ZNF836: variants seen among roughly 807,000 people sequenced by gnomAD.
ZNF836 encodes the protein zinc finger protein 836.
ZNF836 carries 12 observed loss-of-function variants against 7.4 expected under a neutral mutation model. That is an observed-to-expected ratio of 1.61 (90% CI 1.03 to 2.61). The LOEUF (loss-of-function observed/expected upper bound fraction) is 2.61. ZNF836 is among the 30% of genes most tolerant of loss of function. The pLI, the probability that ZNF836 is intolerant of heterozygous loss-of-function variation, is 0.00. For missense variants in ZNF836, 998 were observed against 1,126.2 expected, an observed-to-expected ratio of 0.89 and a Z score of 1.63; for synonymous variants, 365 against 382.6, an observed-to-expected ratio of 0.95 and a Z score of 0.54.
At chr19:52,157,647 T>C in intron 4 of ZNF836, 107 bp from the exon 5 acceptor site, 2 of 1,081,188 alleles carry the variant, frequency 1.8e-6, no homozygotes, top group South Asian at 2.3e-5. Flanking sequence ...CTCAGCTCAC[T>C]GTGACCTCCA....
At position 52,155,134 on chromosome 19, in the gene ZNF836, A is replaced by G; in HGVS notation, c.2549T>C (p.Val850Ala). ...TCCAGTGTGATTTCTTTGATGGTAC[A>G]CCAGCTTTGACCTTTCAATAAAAGC... is the stretch of plus-strand genomic sequence containing the variant. ...GKAFIERSKL[V>A]YHQRNHTGEK... is the part of the protein sequence containing the mutation. The change falls in exon 5 of 5, where the codon GTG becomes GCG. Residue 850 changes from valine to alanine, a missense_variant. Coordinates refer to ENST00000682614, the MANE Select transcript of ZNF836 (RefSeq NM_001102657.3). 1 of 1,613,958 alleles carries G rather than the reference A, an allele frequency of 6.2e-7. No individual in the cohort carries two copies. Among genetic ancestry groups the G allele is most frequent in the Non-Finnish European group, 8.5e-7 (1 of 1,179,964 alleles).
rs765972736 is a variant in ZNF836 at position 52,156,759 on chromosome 19, G to A, written c.924C>T (p.Gly308=). The A allele has an allele frequency of 6.2e-7, 1 of 1,606,802 alleles. No individual in the cohort carries two copies. The highest frequency in any genetic ancestry group is 1.3e-5 in the African/African-American group (1 of 74,654). The change falls in exon 5 of 5, where the codon GGC becomes GGT. Residue 308 remains glycine (G), a synonymous_variant. Transcript: ENST00000682614. The part of the protein sequence containing the change: ...GEKPYKCNEC[G]KSFSQSYNLA... ...GGTTATAACTTTGACTAAAGGACTT[G>A]CCACATTCATTACATTTGTACGGTT...
chr19:52,166,458 T>C (rs976456852), intron 3 of ZNF836, among the ~76,000 whole-genome samples: 16 of 152,070 alleles, frequency 1.1e-4, no homozygotes, highest in Admixed American at 2.6e-4. Flanking sequence ...CAAATTAACA[T>C]ATCCATCATC....
At chr19:52,163,214 T>C (rs1415234642) in intron 3 of ZNF836, among the ~76,000 whole-genome samples, 1 of 152,216 alleles carries the variant, frequency 6.6e-6, no homozygotes, top group Non-Finnish European at 1.5e-5. Context: ...AGGTCCTGGC[T>C]TACTTCTATC....
chr19:52,161,566 T>A lies in ZNF836; in HGVS notation c.16-975A>T, dbSNP rs2089212935. Among the ~76,000 whole-genome samples the A allele has an allele frequency of 6.6e-6, 1 of 151,912 alleles. No individual in the cohort carries two copies. The highest frequency in any genetic ancestry group is 2.4e-5 in the African/African-American group (1 of 41,336). On this transcript the variant is annotated intron_variant, in intron 3 of 4. Transcript: ENST00000682614. This position sits in a 1 kb window ranked among gnomAD's most constrained non-coding sequence, Gnocchi z 4.1. ...CCCACTGATAAAGGCAGACTTCTCA[T>A]GATCCAATCTCCTCCTAAAGGCCAC...
chr19:52,161,858 A>T lies in ZNF836; in HGVS notation c.16-1267T>A, dbSNP rs2089215513. 6.6e-6 allele frequency among the ~76,000 whole-genome samples: 1 copy of T among 152,234 alleles called. No individual in the cohort carries two copies. Among genetic ancestry groups the T allele is most frequent in the East Asian group, 1.9e-4 (1 of 5,198 alleles). ...CAAACATGCATTTCATCCAAAGGCA[A>T]ACTGCTTTCTAGTTGTGAACCTATG... On this transcript the variant is annotated intron_variant, in intron 3 of 4. Coordinates refer to ENST00000682614, the MANE Select transcript of ZNF836 (RefSeq NM_001102657.3). The surrounding 1 kb of genome is among the most constrained non-coding windows in gnomAD (Gnocchi z 4.1).
intron 3 of ZNF836, chr19:52,165,057 T>C (rs1386636012): frequency 6.6e-6 from 1 of 152,226 alleles, no homozygotes; most frequent in African/African-American, 2.4e-5. Context: ...GCCACTGCAC[T>C]CCAGCCTGGG....
chr19:52,155,386 G>A lies in ZNF836; in HGVS notation c.2297C>T (p.Ala766Val). 6.2e-7 allele frequency: 1 copy of A among 1,613,904 alleles called. No individual in the cohort carries two copies. Among genetic ancestry groups the A allele is most frequent in the Non-Finnish European group, 8.5e-7 (1 of 1,179,976 alleles). The change falls in exon 5 of 5, where the codon GCA becomes GTA. Residue 766 changes from alanine (A) to valine (V), a missense_variant. Transcript: ENST00000682614. ...GQVFNSTSNL[A>V]RHRRIHTGEK... is the part of the protein sequence containing the mutation. ...TCCAGTGTGAATTCTCCGATGCCTT[G>A]CAAGGTTCGAAGTGGAATTAAAGAC...
At chr19:52,166,331 A>C (rs1397376985) in intron 3 of ZNF836, among the ~76,000 whole-genome samples, 1 of 151,960 alleles carries the variant, frequency 6.6e-6, no homozygotes, top group African/African-American at 2.4e-5. Context: ...TTAGCATAAA[A>C]CTGAAATGTT....
In ZNF836 at chr19:52,157,130, G is replaced by C; in HGVS notation, c.553C>G (p.Pro185Ala). Residue 185 changes from proline (P) to alanine (A), a missense_variant, in exon 5 of 5, where the codon CCT becomes GCT. Pro to Ala is a conservative substitution (Grantham distance 27). Coordinates refer to ENST00000682614, the MANE Select transcript of ZNF836 (RefSeq NM_001102657.3). ...SLVSPLQRILPSVQTNISKKY... is the reference protein window; with the variant it reads ...SLVSPLQRILASVQTNISKKY... ...TTAGAAATGTTGGTTTGGACACTAG[G>C]AAGAATTCTTTGAAGTGGTGAAACT... is the stretch of plus-strand genomic sequence containing the variant. 1 of 1,613,436 alleles carries C rather than the reference G, an allele frequency of 6.2e-7. No individual in the cohort carries two copies. The highest frequency in any genetic ancestry group is 8.5e-7 in the Non-Finnish European group (1 of 1,179,556).
Position 52,156,460 on chromosome 19 carries a change from T to G in ZNF836, c.1223A>C (p.His408Pro), listed in dbSNP as rs1345859080. Residue 408 changes from histidine to proline, a missense_variant, in exon 5 of 5, where the codon CAT becomes CCT. Transcript: ENST00000682614. Reference sequence around the variant, plus strand: ...ACATTTGTAAGGTTTGTTTCCACTATGAACTGTCTGATGAGTTGCCAGGTT... The same window carrying G: ...ACATTTGTAAGGTTTGTTTCCACTAGGAACTGTCTGATGAGTTGCCAGGTT... Reference protein sequence around the residue: ...SSNLATHQTVHSGNKPYKCDE... With the variant: ...SSNLATHQTVPSGNKPYKCDE... 1 of 1,614,226 alleles carries G rather than the reference T, an allele frequency of 6.2e-7. No individual in the cohort carries two copies. The highest frequency in any genetic ancestry group is 2.2e-5 in the East Asian group (1 of 44,892).
rs552585831 is a variant in ZNF836, at chr19:52,162,902, C to G, written c.16-2311G>C. Among the ~76,000 whole-genome samples the G allele has an allele frequency of 1.2e-4, 18 of 152,292 alleles. No individual in the cohort carries two copies. In the East Asian group the frequency reaches 3.5e-3, roughly 29 times the overall value. ...TGATCATATAGCCTCCAGTGGAATG[C>G]TAAGTTGATCACGATCCCTTTGGCC... On this transcript the variant is annotated intron_variant, in intron 3 of 4. Transcript: ENST00000682614.
intron 2 of ZNF836, among the ~76,000 whole-genome samples, chr19:52,169,350 C>A (rs539541706): frequency 1.3e-5 from 2 of 152,260 alleles, no homozygotes; most frequent in East Asian, 3.9e-4. Flanking sequence ...GAGGCCGAGG[C>A]CGGCAGATCA....
Position 52,155,978 on chromosome 19 carries a change from G to T in ZNF836, c.1705C>A (p.Leu569Ile), listed in dbSNP as rs772022602. ...CGKVFNYSGN[L>I]SIHKRIHTGE... is the part of the protein sequence containing the mutation. ...GTATGTATTCTCTTATGAATTGAAA[G>T]GTTTCCACTGTAATTGAAGACCTTG... Residue 569 changes from leucine (L) to isoleucine (I), a missense_variant, in exon 5 of 5, where the codon CTT (leucine) becomes ATT (isoleucine). Leu to Ile is a conservative substitution (Grantham distance 5). Transcript: ENST00000682614. The T allele has an allele frequency of 6.2e-7, 1 of 1,613,844 alleles. No individual in the cohort carries two copies. Among genetic ancestry groups the T allele is most frequent in the African/African-American group, 1.3e-5 (1 of 74,910 alleles).
chr19:52,162,681 T>C (rs1158683620), intron 3 of ZNF836, among the ~76,000 whole-genome samples: 3 of 152,316 alleles, frequency 2.0e-5, no homozygotes, highest in East Asian at 3.9e-4. Context: ...GGGGTGATTG[T>C]TGGTAACTCA....
At chr19:52,159,188 T>C (rs1200914333) in intron 4 of ZNF836, among the ~76,000 whole-genome samples, 5 of 152,184 alleles carry the variant, frequency 3.3e-5, no homozygotes, top group Non-Finnish European at 7.3e-5. Flanking sequence ...AAGTTAAAGC[T>C]AATATGCCAT....
intron 3 of ZNF836, among the ~76,000 whole-genome samples, chr19:52,167,585 A>C (rs10401750): frequency 0.038 from 5,725 of 152,144 alleles, 116 homozygotes; most frequent in African/African-American, 0.046. Flanking sequence ...GAAGTTAGAA[A>C]CAGTGATTAA....
chr19:52,160,164 C>G (rs1345559432), intron 4 of ZNF836, among the ~76,000 whole-genome samples: 2 of 122,582 alleles, frequency 1.6e-5, no homozygotes, highest in Non-Finnish European at 3.3e-5. Context: ...GCCTGGGAGA[C>G]AAAGCTAGAC....
Position 52,156,131 on chromosome 19 carries a change from T to C in ZNF836, c.1552A>G (p.Ile518Val). The C allele has an allele frequency of 6.2e-7, 1 of 1,614,162 alleles. No homozygotes were observed. The highest frequency in any genetic ancestry group is 1.1e-5 in the South Asian group (1 of 91,084). Reference sequence around the variant, plus strand: ...TAACGTTTCTCTCTGGTATGAATTATCTTATGTCGAGTGAGTAATGAGCCC... The same window carrying C: ...TAACGTTTCTCTCTGGTATGAATTACCTTATGTCGAGTGAGTAATGAGCCC... Reference protein sequence around the residue: ...KQGSLLTRHKIIHTREKRYQC... With the variant: ...KQGSLLTRHKVIHTREKRYQC... Residue 518 changes from isoleucine to valine, a missense_variant, in exon 5 of 5, where the codon ATA becomes GTA. By Grantham distance (29) the Ile-to-Val change is conservative. Transcript: ENST00000682614.
Sources: allele counts gnomAD v4.1 joint callset (sites outside exome capture counted in the v4.1 genomes callset), GRCh38; gene constraint gnomAD v4.1.1; non-coding constraint Gnocchi (gnomAD v3.1); transcripts MANE v1.5; gene names NCBI Gene and HGNC (gene_info 2026-07-23, HGNC 2026-07-21).